The following DNAJB12 variants were observed in gnomAD, a reference collection of about 807,000 sequenced individuals.
DNAJB12 encodes DnaJ heat shock protein family (Hsp40) member B12.
DNAJB12 carries 14 observed loss-of-function variants against 40.6 expected under a neutral mutation model. The observed-to-expected ratio is 0.34, with a 90% CI of 0.23 to 0.54. DNAJB12 has a LOEUF of 0.54. DNAJB12 is among the 20% of genes least tolerant of loss of function. The pLI is 0.92. For missense variants in DNAJB12, 444 were observed against 501.7 expected (o/e 0.89, Z 1.10); for synonymous variants, 181 against 199.5 (o/e 0.91, Z 0.78).
chr10:72,350,100 C>T (rs953513111), intron 1 of DNAJB12, among the ~76,000 whole-genome samples: 2 of 152,058 alleles, frequency 1.3e-5, no homozygotes, highest in African/African-American at 4.8e-5. Flanking sequence ...AGCCACTGAA[C>T]CCAGACTAGA....
intron 8 of DNAJB12, chr10:72,334,901 CTT>C (rs1255357604): frequency 3.1e-5 from 39 of 1,264,830 alleles, no homozygotes; most frequent in Non-Finnish European, 3.8e-5. Context: ...TCTGCCCACA[CTT>C]CTCTGGGCTT....
chr10:72,340,241 G>A (rs2131985696), intron 5 of DNAJB12, among the ~76,000 whole-genome samples: 1 of 152,080 alleles, frequency 6.6e-6, no homozygotes, highest in Non-Finnish European at 1.5e-5. Flanking sequence ...TTACTCGGGA[G>A]GCTGAGGCAG....
chr10:72,334,395 G>A lies in DNAJB12; in HGVS notation c.*253C>T, dbSNP rs1401170088. ...CTGTATCCTAGGAGAGAGGCGATGC[G>A]GAGCCTCCGCCAGCCCTGCGAGGGA... On this transcript the variant is annotated 3_prime_UTR_variant, in exon 9 of 9. Transcript: ENST00000444643. The A allele has an allele frequency of 5.4e-5, 36 of 671,248 alleles. No individual in the cohort carries two copies. The highest frequency in any genetic ancestry group is 2.8e-4 in the African/African-American group (15 of 53,302). 41.6% of individuals were successfully genotyped at this position (671,248 alleles called of 1,614,324 possible). A position where few individuals can be genotyped will look rare whatever the true frequency, so the allele number is the denominator to read the frequency against.
intron 8 of DNAJB12, chr10:72,334,930 T>C (rs970052392): frequency 8.2e-7 from 1 of 1,215,000 alleles, no homozygotes. Flanking sequence ...AGTGGCCACC[T>C]CTGGCAAACG....
chr10:72,344,838 C>G, intron 2 of DNAJB12, 112 bp downstream of exon 2: 1 of 1,295,900 alleles, frequency 7.7e-7, no homozygotes, highest in African/African-American at 1.5e-5. Context: ...CCTCCAAGAC[C>G]CTCCCAGGGC....
At chr10:72,336,933 C>T (rs56235705) in intron 6 of DNAJB12, 9,677 of 396,624 alleles carry the variant, frequency 0.024, 156 homozygotes, top group South Asian at 0.039. Flanking sequence ...GCTTACCACA[C>T]TGCTGACCTG....
chr10:72,345,244 T>C, intron 1 of DNAJB12, 117 bp from the exon 2 acceptor site: 1 of 1,204,090 alleles, frequency 8.3e-7, no homozygotes, highest in East Asian at 2.4e-5. Context: ...GCTCCTGCCC[T>C]GATTAGGCCT....
In DNAJB12 at chr10:72,334,614, T is replaced by C. The variant is rs1308905942; in HGVS notation, c.*34A>G. 12 of 1,533,714 alleles carry C rather than the reference T, an allele frequency of 7.8e-6. No individual in the cohort carries two copies. The highest frequency in any genetic ancestry group is 3.6e-5 in the South Asian group (3 of 83,830). Reference sequence around the variant, plus strand: ...CACCAAAAATTCTCCAGGGATTTCATAGTCTGGGGAGGAGAGTGGCAACAG... The same window carrying C: ...CACCAAAAATTCTCCAGGGATTTCACAGTCTGGGGAGGAGAGTGGCAACAG... On this transcript the variant is annotated 3_prime_UTR_variant, in exon 9 of 9. Transcript: ENST00000444643.
rs746496242 is a variant in DNAJB12 at position 72,345,126 on chromosome 10, G to C, written c.135C>G (p.Ala45=). 1.9e-5 allele frequency: 30 copies of C among 1,601,504 alleles called. No individual in the cohort carries two copies. The highest frequency in any genetic ancestry group is 4.0e-5 in the African/African-American group (3 of 74,512). ...QRLYPTPRVR[A]LIESLNQKPQ... is the part of the protein sequence containing the mutation. ...GTTTCTGGTTGAGGGACTCAATCAG[G>C]GCTGTGCAAGGCAAGGAAACCATTC... is the stretch of plus-strand genomic sequence containing the variant. Residue 45 remains alanine, a splice_region_variant and synonymous_variant, in exon 2 of 9, where the codon GCC becomes GCG. Transcript: ENST00000444643.
Position 72,335,328 on chromosome 10 carries a change from T to G in DNAJB12, c.*30+452A>C. 2.0e-6 allele frequency: 2 copies of G among 988,582 alleles called. No homozygotes were observed. Among genetic ancestry groups the G allele is most frequent in the Non-Finnish European group, 2.4e-6 (2 of 831,786 alleles). The allele number at this position is 988,582 out of a possible 1,614,324, so 61.2% of individuals were successfully genotyped here. A position where few individuals can be genotyped will look rare whatever the true frequency, so the allele number is the denominator to read the frequency against. On this transcript the variant is annotated intron_variant, in intron 8 of 8. Transcript: ENST00000444643. This position sits in a 1 kb window ranked among gnomAD's most constrained non-coding sequence, Gnocchi z 4.4. Reference sequence around the variant, plus strand: ...TCTTGGCCCACCTATTCCCACATGGTTCTTCCTGGTATCAGGCAGGCAGTG... The same window carrying G: ...TCTTGGCCCACCTATTCCCACATGGGTCTTCCTGGTATCAGGCAGGCAGTG...
At chr10:72,338,379 T>A in intron 5 of DNAJB12, 68 bp from the exon 6 acceptor site, 1 of 1,300,594 alleles carries the variant, frequency 7.7e-7, no homozygotes, top group Non-Finnish European at 1.1e-6. Flanking sequence ...TAATCACCAC[T>A]AGCTCCCCTA....
intron 1 of DNAJB12, among the ~76,000 whole-genome samples, chr10:72,347,808 G>A (rs1302496393): frequency 6.6e-6 from 1 of 151,978 alleles, no homozygotes; most frequent in African/African-American, 2.4e-5. Flanking sequence ...AGCTACTAGG[G>A]AGGCTGAGGC....
chr10:72,350,123 C>T (rs1234112626), intron 1 of DNAJB12, among the ~76,000 whole-genome samples: 9 of 151,912 alleles, frequency 5.9e-5, no homozygotes, highest in South Asian at 2.1e-4. Context: ...TAGATTTGGC[C>T]GGGCAGTGGC....
At chr10:72,334,984 G>A in intron 8 of DNAJB12, 2 of 1,105,004 alleles carry the variant, frequency 1.8e-6, no homozygotes, top group Non-Finnish European at 2.2e-6. Context: ...GCTGCAGAAG[G>A]AGGGAGCCTG....
intron 1 of DNAJB12, among the ~76,000 whole-genome samples, chr10:72,349,952 C>T (rs897833714): frequency 7.9e-5 from 12 of 152,004 alleles, no homozygotes; most frequent in African/African-American, 2.7e-4. Context: ...GGCAATGTCA[C>T]AAAAAGAGAC....
chr10:72,338,207 T>G lies in DNAJB12; in HGVS notation c.828A>C (p.Pro276=), dbSNP rs755007540. The G allele has an allele frequency of 3.1e-6, 5 of 1,613,944 alleles. No individual in the cohort carries two copies. In the South Asian group the frequency reaches 3.3e-5, roughly 11 times the overall value. Residue 276 remains proline (P), a synonymous_variant, in exon 6 of 9, where the codon CCA becomes CCC. Coordinates refer to ENST00000444643, the MANE Select transcript of DNAJB12 (RefSeq NM_017626.7). ...MVSSPPYSLS[P]RPSVGHIHRR... is the part of the protein sequence containing the mutation. ...GGCCTCACCCATGTACTCACGGTCT[T>G]GGACTCAGACTGTAGGGTGGACTGG...
At chr10:72,351,603 G>A (rs1736291893) in intron 1 of DNAJB12, among the ~76,000 whole-genome samples, 1 of 152,230 alleles carries the variant, frequency 6.6e-6, no homozygotes, top group African/African-American at 2.4e-5. Flanking sequence ...CCTGGCCGCT[G>A]CCCTCTCCGG....
chr10:72,347,068 G>A (rs182362565), intron 1 of DNAJB12, among the ~76,000 whole-genome samples: 120 of 151,462 alleles, frequency 7.9e-4, no homozygotes, highest in Middle Eastern at 3.4e-3. Flanking sequence ...GGTTTCAAGC[G>A]ATTCTCCCGC....
rs1861446963 is a variant in DNAJB12, at chr10:72,335,555, A to G, written c.*30+225T>C. On this transcript the variant is annotated intron_variant, in intron 8 of 8. Coordinates refer to ENST00000444643, the MANE Select transcript of DNAJB12 (RefSeq NM_017626.7). The surrounding 1 kb of genome is among the most constrained non-coding windows in gnomAD (Gnocchi z 4.4). ...CCCCACACCCCTGGAGCCAGGGAGC[A>G]GAGCGGAGGAGTGGGGAGGACAGCA... 7.7e-7 allele frequency: 1 copy of G among 1,301,620 alleles called. No homozygotes were observed. Among genetic ancestry groups the G allele is most frequent in the South Asian group, 1.7e-5 (1 of 58,036 alleles). 80.6% of individuals were successfully genotyped at this position (1,301,620 alleles called of 1,614,324 possible). A position where few individuals can be genotyped will look rare whatever the true frequency, so the allele number is the denominator to read the frequency against.
Sources: gnomAD v4.1 joint callset for allele counts (sites outside exome capture counted in the v4.1 genomes callset) on GRCh38, gnomAD v4.1.1 for gene constraint, Gnocchi (gnomAD v3.1) non-coding constraint, MANE v1.5 for transcripts, NCBI Gene and HGNC (gene_info 2026-07-23, HGNC 2026-07-21) for gene names.